Variants in SNRPA1 observed in about 807,000 individuals in gnomAD.
The protein encoded by SNRPA1 is U2 small nuclear ribonucleoprotein A'.
In SNRPA1, 5 loss-of-function variants were observed where a neutral mutation model predicts 32.3. The observed-to-expected ratio is 0.15, with a 90% CI of 0.08 to 0.33. The LOEUF is 0.33. SNRPA1 is among the 10% of genes least tolerant of loss of function. The pLI is 1.00. For missense variants in SNRPA1, 198 were observed against 311.1 expected, an observed-to-expected ratio of 0.64 and a Z score of 2.74; for synonymous variants, 111 against 120.1, an observed-to-expected ratio of 0.92 and a Z score of 0.50.
intron 7 of SNRPA1, 33 bp downstream of exon 7, chr15:101,285,693 C>A: frequency 7.0e-7 from 1 of 1,432,474 alleles, no homozygotes; most frequent in South Asian, 1.1e-5. Context: ...CATCTTAGCT[C>A]ATTCCAGTCC....
At chr15:101,287,593 A>T (rs377743362) in intron 4 of SNRPA1, 63 bp downstream of exon 4, 1 of 1,366,748 alleles carries the variant, frequency 7.3e-7, no homozygotes, top group African/African-American at 1.4e-5. Context: ...ATTAAGGTCA[A>T]GGCTGGTAAA....
rs1434516357 is a variant in SNRPA1, at chr15:101,295,081, A to T, written c.82+16T>A. 1.3e-5 allele frequency: 19 copies of T among 1,455,472 alleles called. No individual in the cohort carries two copies. Among genetic ancestry groups the T allele is most frequent in the Non-Finnish European group, 1.6e-5 (18 of 1,096,322 alleles). The allele number at this position is 1,455,472 out of a possible 1,614,324, so 90.2% of individuals were successfully genotyped here. A position where few individuals can be genotyped will look rare whatever the true frequency, so the allele number is the denominator to read the frequency against. On this transcript the variant is annotated intron_variant, in intron 1 of 8. Coordinates refer to ENST00000254193, the MANE Select transcript of SNRPA1 (RefSeq NM_003090.4). ...GGTGCCGCCTGGGGACTGGCCGCCCACGCCCCCGGACTCACCCCGGAGGTC... is the reference window on the plus strand; with the variant it reads ...GGTGCCGCCTGGGGACTGGCCGCCCTCGCCCCCGGACTCACCCCGGAGGTC...
At chr15:101,290,690 T>C in intron 3 of SNRPA1, among the ~76,000 whole-genome samples, 1 of 150,886 alleles carries the variant, frequency 6.6e-6, no homozygotes, top group Non-Finnish European at 1.5e-5. Flanking sequence ...ATCCTCCCAC[T>C]TTAGCCACTG....
Position 101,287,732 on chromosome 15 carries a change from C to T in SNRPA1, c.310-30G>A, listed in dbSNP as rs758918208. Reference sequence around the variant, plus strand: ...CAAGCAATAGCCACAGGTAAGAACGCGAATACCACACGCTATTTTGAGATT... The same window carrying T: ...CAAGCAATAGCCACAGGTAAGAACGTGAATACCACACGCTATTTTGAGATT... On this transcript the variant is annotated intron_variant, in intron 3 of 8. Coordinates refer to ENST00000254193, the MANE Select transcript of SNRPA1 (RefSeq NM_003090.4). 78 of 1,602,776 alleles carry T rather than the reference C, an allele frequency of 4.9e-5. No individual in the cohort carries two copies. The Admixed American group carries it at 1.1e-3, about 23-fold the overall frequency.
At chr15:101,285,693 C>T in intron 7 of SNRPA1, 33 bp downstream of exon 7, 2 of 1,432,476 alleles carry the variant, frequency 1.4e-6, no homozygotes, top group Non-Finnish European at 2.0e-6. Context: ...CATCTTAGCT[C>T]ATTCCAGTCC....
In SNRPA1 at chr15:101,286,189, G is replaced by A. The variant is rs753727280; in HGVS notation, c.539+25C>T. 9.4e-6 allele frequency: 15 copies of A among 1,594,116 alleles called. 1 individual carries two copies. The South Asian group carries it at 1.4e-4, about 15-fold the overall frequency. On this transcript the variant is annotated intron_variant, in intron 6 of 8. Transcript: ENST00000254193. ...ATCATGTTTCTGAAGGTGAAGTAGA[G>A]TTAAGTTGGATATCCGTGTCTTACG...
chr15:101,285,031 A>C lies in SNRPA1; in HGVS notation c.645T>G (p.Ala215=). The C allele has an allele frequency of 6.2e-7, 1 of 1,613,958 alleles. No homozygotes were observed. Among genetic ancestry groups the C allele is most frequent in the Non-Finnish European group, 8.5e-7 (1 of 1,179,854 alleles). The change falls in exon 8 of 9, where the codon GCT becomes GCG. Residue 215 remains alanine, a synonymous_variant. Coordinates refer to ENST00000254193, the MANE Select transcript of SNRPA1 (RefSeq NM_003090.4). ...KNAIANASTL[A]EVERLKGLLQ... ...GCAACCCCTTCAGCCTCTCCACTTCAGCCAGAGTTGAAGCATTTGCTATGG... is the reference window on the plus strand; with the variant it reads ...GCAACCCCTTCAGCCTCTCCACTTCCGCCAGAGTTGAAGCATTTGCTATGG...
intron 1 of SNRPA1, chr15:101,294,879 A>G (rs1353535199): frequency 4.6e-6 from 2 of 430,340 alleles, no homozygotes; most frequent in Non-Finnish European, 8.3e-6. Flanking sequence ...GTGCCTGTCA[A>G]GAGGCACGGC....
intron 8 of SNRPA1, among the ~76,000 whole-genome samples, chr15:101,282,156 C>T (rs2039402415): frequency 6.6e-6 from 1 of 152,252 alleles, no homozygotes; most frequent in Admixed American, 6.5e-5. Flanking sequence ...ATGCCATATA[C>T]TGGCAACAGT....
chr15:101,289,306 G>T (rs779590340), intron 3 of SNRPA1, among the ~76,000 whole-genome samples: 2 of 152,184 alleles, frequency 1.3e-5, no homozygotes, highest in Non-Finnish European at 2.9e-5. Context: ...GCAGGGTAAA[G>T]GTGTCAAAGT....
intron 3 of SNRPA1, 132 bp downstream of exon 3, chr15:101,291,830 A>G (rs1233729900): frequency 1.7e-6 from 1 of 597,806 alleles, no homozygotes; most frequent in Non-Finnish European, 3.0e-6. Context: ...CAAAAGGCCC[A>G]GATCCTGAAT....
chr15:101,291,616 C>T (rs958603470), intron 3 of SNRPA1, among the ~76,000 whole-genome samples: 1 of 151,068 alleles, frequency 6.6e-6, no homozygotes, highest in African/African-American at 2.4e-5. Flanking sequence ...GTTACTGGTA[C>T]TATATTGAAC....
At chr15:101,292,192 T>G (rs1331979875) in intron 2 of SNRPA1, 152 bp from the exon 3 acceptor site, 8 of 588,500 alleles carry the variant, frequency 1.4e-5, no homozygotes, top group Middle Eastern at 3.7e-4. Flanking sequence ...AACCCTTTTC[T>G]GAGGCCACAG....
chr15:101,286,500 G>A (rs1596470578), intron 5 of SNRPA1: 4 of 514,314 alleles, frequency 7.8e-6, no homozygotes, highest in East Asian at 3.1e-5. Context: ...TAGCTCCAAG[G>A]AGGGGATCCC....
At chr15:101,286,448 C>A in intron 5 of SNRPA1, 155 bp from the exon 6 acceptor site, 1 of 586,548 alleles carries the variant, frequency 1.7e-6, no homozygotes, top group South Asian at 2.5e-5. Flanking sequence ...ACACAGTGGT[C>A]TTCTTTCTTT....
In SNRPA1 at chr15:101,293,414, G is replaced by A. The variant is rs2039550574; in HGVS notation, c.83-242C>T. ...AGAATCTGATGACAACAAGGACAAGGACAATAACAATGGCTGATATAGGCA... is the reference window on the plus strand; with the variant it reads ...AGAATCTGATGACAACAAGGACAAGAACAATAACAATGGCTGATATAGGCA... On this transcript the variant is annotated intron_variant, in intron 1 of 8. Coordinates refer to ENST00000254193, the MANE Select transcript of SNRPA1 (RefSeq NM_003090.4). 8.7e-6 allele frequency: 3 copies of A among 345,516 alleles called. No individual in the cohort carries two copies. In the South Asian group the frequency reaches 2.2e-4, roughly 25 times the overall value. 21.4% of individuals were successfully genotyped at this position (345,516 alleles called of 1,614,324 possible).
chr15:101,293,560 C>G (rs1481912469), intron 1 of SNRPA1, among the ~76,000 whole-genome samples: 1 of 152,188 alleles, frequency 6.6e-6, no homozygotes, highest in Non-Finnish European at 1.5e-5. Flanking sequence ...AGTGCCCAAA[C>G]GGCGTTCAAA....
intron 8 of SNRPA1, among the ~76,000 whole-genome samples, chr15:101,283,065 C>T (rs2039414713): frequency 6.6e-6 from 1 of 152,154 alleles, no homozygotes. Context: ...ATCTTTACTG[C>T]TGCATCCAGG....
chr15:101,295,180 C>G lies in SNRPA1; in HGVS notation c.-2G>C, dbSNP rs1021029078. On this transcript the variant is annotated 5_prime_UTR_variant, in exon 1 of 9. Coordinates refer to ENST00000254193, the MANE Select transcript of SNRPA1 (RefSeq NM_003090.4). ...CAGCTCCGCCGTCAGCTTGACCATC[C>G]TGCAGCCTCCCGTTCCCCCGCGCTG... is the stretch of plus-strand genomic sequence containing the variant. 59 of 1,544,858 alleles carry G rather than the reference C, an allele frequency of 3.8e-5. No individual in the cohort carries two copies. Among genetic ancestry groups the G allele is most frequent in the Non-Finnish European group, 4.7e-5 (54 of 1,149,754 alleles).
Sources: gnomAD v4.1 joint callset for allele counts (sites outside exome capture counted in the v4.1 genomes callset) on GRCh38, gnomAD v4.1.1 for gene constraint, MANE v1.5 for transcripts, NCBI Gene and HGNC (gene_info 2026-07-23, HGNC 2026-07-21) for gene names.